The following DBNDD2 variants were observed in gnomAD, a reference collection of about 807,000 sequenced individuals.
DBNDD2 encodes the protein dysbindin domain containing 2.
In DBNDD2, 8 loss-of-function variants were observed where a neutral mutation model predicts 14.0. The ratio of observed to expected loss-of-function variants is 0.57; its 90% CI spans 0.33 to 1.03. The LOEUF is 1.03. Among genes scored for constraint, DBNDD2 ranks in the 50% least tolerant of loss-of-function variants. The probability of loss-of-function intolerance (pLI) is 0.03; values close to 1 mark genes in which losing one functional copy is unlikely to be tolerated. For synonymous variants in DBNDD2, 94 were observed against 85.3 expected, an observed-to-expected ratio of 1.10 and a Z score of -0.56; for missense variants, 194 against 206.0, an observed-to-expected ratio of 0.94 and a Z score of 0.36.
upstream of DBNDD2, chr20:45,407,576 T>A: frequency 1.0e-6 from 1 of 986,660 alleles, no homozygotes; most frequent in Non-Finnish European, 1.2e-6. Context: ...GGGTCTCAGC[T>A]TCTCAGCCCT....
intron 2 of DBNDD2, 139 bp downstream of exon 2, chr20:45,409,077 G>A: frequency 6.4e-7 from 1 of 1,560,060 alleles, no homozygotes; most frequent in Non-Finnish European, 8.7e-7. Context: ...TGAAACAGCT[G>A]CCTGTTCTGA....
chr20:45,409,753 C>T (rs931190334), intron 2 of DBNDD2, among the ~76,000 whole-genome samples, 179 bp from the exon 3 acceptor site: 9 of 152,204 alleles, frequency 5.9e-5, no homozygotes, highest in African/African-American at 1.7e-4. Flanking sequence ...GGTGTAATGA[C>T]GTGGAAGGAG....
upstream of DBNDD2, chr20:45,408,203 A>C (rs758082385): frequency 1.0e-5 from 16 of 1,551,002 alleles, no homozygotes; most frequent in South Asian, 8.3e-5. Context: ...AATACAGAGT[A>C]TCTCTCTTGT....
intron 2 of DBNDD2, 95 bp from the exon 3 acceptor site, chr20:45,409,837 G>A (rs1989741436): frequency 3.1e-6 from 4 of 1,305,730 alleles, no homozygotes; most frequent in African/African-American, 1.5e-5. Context: ...ACAAGTCTCT[G>A]CCCCACTGTG....
chr20:45,407,685 G>A, upstream of DBNDD2: 1 of 992,892 alleles, frequency 1.0e-6, no homozygotes, highest in Non-Finnish European at 1.2e-6. Flanking sequence ...TGTGTCCCAG[G>A]AGGGGGACGC....
At chr20:45,406,628 C>A, upstream of DBNDD2, 23 of 1,394,396 alleles carry the variant, frequency 1.6e-5, no homozygotes, top group Non-Finnish European at 2.1e-5. Flanking sequence ...CCCCGGGAGC[C>A]CTGGAGGCGC....
upstream of DBNDD2, chr20:45,406,462 G>C: frequency 1.3e-6 from 2 of 1,526,502 alleles, no homozygotes; most frequent in Non-Finnish European, 1.8e-6. Flanking sequence ...ATGGGTGCGG[G>C]TAACTTTTTG....
chr20:45,407,582 G>T, upstream of DBNDD2: 1 of 987,022 alleles, frequency 1.0e-6, no homozygotes, highest in Non-Finnish European at 1.2e-6. Flanking sequence ...CAGCTTCTCA[G>T]CCCTAGGGGT....
Position 45,408,815 on chromosome 20 carries a change from A to G in DBNDD2, c.154A>G (p.Ile52Val). The change falls in exon 2 of 3, where the codon ATC (isoleucine) becomes GTC (valine). Residue 52 changes from isoleucine (I) to valine (V), a missense_variant. Ile to Val is a conservative substitution (Grantham distance 29). Transcript: ENST00000372710. ...TTGATCCGCAGCCCCCATAGGTAGT[A>G]TCTCATCCATGGAAGTGAATGTGGA... ...LESQRPPIGS[I>V]SSMEVNVDTL... The G allele has an allele frequency of 1.2e-6, 2 of 1,614,182 alleles. No homozygotes were observed. Among genetic ancestry groups the G allele is most frequent in the Non-Finnish European group, 8.5e-7 (1 of 1,180,022 alleles).
chr20:45,409,084 C>A (rs1306260153), intron 2 of DBNDD2, 146 bp downstream of exon 2: 2 of 1,543,942 alleles, frequency 1.3e-6, no homozygotes, highest in South Asian at 1.2e-5. Context: ...GCTGCCTGTT[C>A]TGATTTTAGG....
Position 45,408,613 on chromosome 20 carries a change from C to T in DBNDD2, c.139+7C>T. On this transcript the variant is annotated splice_region_variant and intron_variant, in intron 1 of 2. Transcript: ENST00000372710. ...CATCTCGAGTCGCAGAGACGTAAGT[C>T]CCAAGTCCTGAGAAGAGGGACTGGG... is the stretch of plus-strand genomic sequence containing the variant. 6.2e-7 allele frequency: 1 copy of T among 1,611,338 alleles called. No individual in the cohort carries two copies.
At chr20:45,408,649 G>A (rs2145417276) in intron 1 of DBNDD2, 43 bp downstream of exon 1, 1 of 1,599,240 alleles carries the variant, frequency 6.3e-7, no homozygotes, top group Non-Finnish European at 8.5e-7. Flanking sequence ...GTAGGGTAGG[G>A]AGGATGTCCT....
chr20:45,406,597 G>C (rs541042573), upstream of DBNDD2: 3 of 1,447,100 alleles, frequency 2.1e-6, no homozygotes, highest in Admixed American at 2.6e-5. Flanking sequence ...CCTCGTTCCC[G>C]GCTCCCAGGG....
Position 45,410,185 on chromosome 20 carries a change from CAT to C in DBNDD2, c.*46_*47del, listed in dbSNP as rs368600687. On this transcript the variant is annotated 3_prime_UTR_variant, in exon 3 of 3. Transcript: ENST00000372710. ...GACTGACCACGCTGGCTATTCTCCA[CAT>C]GAGACCACAGGCCCAGCCAGAGCCT... The C allele has an allele frequency of 1.2e-4, 188 of 1,546,758 alleles. No homozygotes were observed. The East Asian group carries it at 2.0e-3, about 17-fold the overall frequency.
chr20:45,409,215 A>T (rs187753989), intron 2 of DBNDD2, among the ~76,000 whole-genome samples: 29 of 152,354 alleles, frequency 1.9e-4, no homozygotes, highest in Admixed American at 2.6e-4. Flanking sequence ...TAATTAAAAT[A>T]ATGTAAAATT....
At chr20:45,406,563 C>G, upstream of DBNDD2, 2 of 1,493,944 alleles carry the variant, frequency 1.3e-6, no homozygotes, top group African/African-American at 2.9e-5. Context: ...ACCGCCCCTC[C>G]CCCACTTCCG....
upstream of DBNDD2, chr20:45,406,795 G>T (rs1276780246): frequency 1.6e-6 from 2 of 1,248,578 alleles, no homozygotes; most frequent in African/African-American, 3.1e-5. Flanking sequence ...ACCGGAGCAC[G>T]AGGGGAACGG....
upstream of DBNDD2, chr20:45,407,583 C>T: frequency 1.0e-6 from 1 of 986,916 alleles, no homozygotes; most frequent in Non-Finnish European, 1.2e-6. Flanking sequence ...AGCTTCTCAG[C>T]CCTAGGGGTC....
chr20:45,406,815 A>G, upstream of DBNDD2: 2 of 1,222,382 alleles, frequency 1.6e-6, no homozygotes, highest in Non-Finnish European at 2.0e-6. Context: ...GCCTTGGGGG[A>G]GCGCCCTCCC....
Sources: allele counts gnomAD v4.1 joint callset (sites outside exome capture counted in the v4.1 genomes callset), GRCh38; gene constraint gnomAD v4.1.1; transcripts MANE v1.5; gene names NCBI Gene and HGNC (gene_info 2026-07-23, HGNC 2026-07-21).